ACSM3: variants seen among roughly 807,000 people sequenced by gnomAD.
ACSM3 encodes acyl-coenzyme A synthetase ACSM3, mitochondrial.
ACSM3 carries 61 observed loss-of-function variants against 74.1 expected under a neutral mutation model. The observed-to-expected ratio is 0.82, with a 90% CI of 0.67 to 1.02. ACSM3 has a LOEUF of 1.02. Among genes scored for constraint, ACSM3 ranks in the 50% least tolerant of loss-of-function variants. ACSM3 has a pLI of 0.00. For synonymous variants in ACSM3, 213 were observed against 241.5 expected (o/e 0.88, Z 1.09); for missense variants, 660 against 697.0 (o/e 0.95, Z 0.60).
At chr16:20,759,908 C>A (rs1485837666), upstream of ACSM3, among the ~76,000 whole-genome samples, 1 of 152,072 alleles carries the variant, frequency 6.6e-6, no homozygotes, top group East Asian at 1.9e-4. Flanking sequence ...AAATTCTAAG[C>A]CCCCAAACTG....
upstream of ACSM3, among the ~76,000 whole-genome samples, chr16:20,761,277 CT>C (rs766148497): frequency 6.6e-6 from 1 of 152,168 alleles, no homozygotes; most frequent in East Asian, 1.9e-4. Context: ...TTCTTTGTCC[CT>C]AAAATGTATC....
Position 20,797,050 on chromosome 16 carries a change from G to T in ACSM3, c.*78G>T, listed in dbSNP as rs2080736920. 2.0e-6 allele frequency: 3 copies of T among 1,537,742 alleles called. No homozygotes were observed. In the East Asian group the frequency reaches 7.1e-5, roughly 36 times the overall value. On this transcript the variant is annotated 3_prime_UTR_variant, in exon 14 of 14. Coordinates refer to ENST00000289416, the MANE Select transcript of ACSM3 (RefSeq NM_005622.4). Reference sequence around the variant, plus strand: ...TCTAGAAACCACAAGATGATGGAGAGGTCATAAAAACTGTGGTAGTATGCT... The same window carrying T: ...TCTAGAAACCACAAGATGATGGAGATGTCATAAAAACTGTGGTAGTATGCT...
intron 1 of ACSM3, chr16:20,682,119 C>T (rs1455450706): frequency 3.8e-6 from 3 of 798,744 alleles, no homozygotes; most frequent in African/African-American, 1.7e-5. Context: ...GGGCTCAGTC[C>T]TTTGGATGTT....
rs1215241804 is a variant in ACSM3 at position 20,754,784 on chromosome 16, A to G, written c.-95-789A>G. Among the ~76,000 whole-genome samples the G allele has an allele frequency of 2.0e-5, 3 of 152,204 alleles. No individual in the cohort carries two copies. The East Asian group carries it at 5.8e-4, about 29-fold the overall frequency. On this transcript the variant is annotated intron_variant, in intron 2 of 3. Transcript: ENST00000561584. ...CATATTAAGCTTCTCAAGTGTCACAAATAAGTAGAATTATCTGGAGTTTTG... is the reference window on the plus strand; with the variant it reads ...CATATTAAGCTTCTCAAGTGTCACAGATAAGTAGAATTATCTGGAGTTTTG...
At chr16:20,788,036 C>T (rs1326399692) in intron 9 of ACSM3, among the ~76,000 whole-genome samples, 1 of 152,158 alleles carries the variant, frequency 6.6e-6, no homozygotes, top group Non-Finnish European at 1.5e-5. Context: ...ATGCTTAGTA[C>T]ATAATAAAGG....
chr16:20,735,093 TC>T (rs2079857825), intron 1 of ACSM3: 1 of 152,244 alleles, frequency 6.6e-6, no homozygotes, highest in South Asian at 2.1e-4. Context: ...TCCTTTTAGA[TC>T]TAAGAGTCTT....
chr16:20,771,803 G>T (rs570647721), intron 2 of ACSM3, among the ~76,000 whole-genome samples: 1 of 152,130 alleles, frequency 6.6e-6, no homozygotes, highest in East Asian at 1.9e-4. Context: ...TTTTTTGAGA[G>T]GCCCTTATAT....
chr16:20,764,316 A>C (rs542571152), intron 1 of ACSM3, among the ~76,000 whole-genome samples, 191 bp downstream of exon 1: 3 of 152,248 alleles, frequency 2.0e-5, no homozygotes, highest in Non-Finnish European at 4.4e-5. Flanking sequence ...GAGTATGCAC[A>C]CACAAAAGGC....
intron 1 of ACSM3, among the ~76,000 whole-genome samples, chr16:20,684,843 G>A (rs1336363364): frequency 2.6e-5 from 4 of 152,158 alleles, no homozygotes; most frequent in South Asian, 4.1e-4. Flanking sequence ...AAGAGAAAGT[G>A]TATGTGTGTT....
intron 2 of ACSM3, among the ~76,000 whole-genome samples, chr16:20,754,260 T>G (rs1033801947): frequency 2.6e-5 from 4 of 152,262 alleles, no homozygotes; most frequent in African/African-American, 9.6e-5. Context: ...AGTGTAGAAA[T>G]GTAGTGGGGT....
intron 2 of ACSM3, among the ~76,000 whole-genome samples, chr16:20,772,055 T>G (rs1015829087): frequency 1.3e-5 from 2 of 151,482 alleles, no homozygotes; most frequent in Admixed American, 6.5e-5. Flanking sequence ...TCTATTCAGA[T>G]TCTATGTCCA....
At chr16:20,768,807 C>T (rs1319566629) in intron 1 of ACSM3, among the ~76,000 whole-genome samples, 3 of 152,164 alleles carry the variant, frequency 2.0e-5, no homozygotes, top group African/African-American at 7.2e-5. Flanking sequence ...CTCTCTGGGT[C>T]TCCAGTTTTC....
intron 1 of ACSM3, chr16:20,697,714 A>T (rs1335283774): frequency 6.6e-6 from 1 of 152,226 alleles, no homozygotes; most frequent in Non-Finnish European, 1.5e-5. Context: ...TTGTAGGTTC[A>T]GTTCTCTCTG....
intron 1 of ACSM3, chr16:20,739,081 T>C: frequency 6.2e-7 from 1 of 1,613,940 alleles, no homozygotes; most frequent in South Asian, 1.1e-5. Context: ...ACTGTTTGCA[T>C]AAAACTAATG....
At chr16:20,757,559 TATAC>T (rs1342082627) in intron 3 of ACSM3, among the ~76,000 whole-genome samples, 1 of 150,744 alleles carries the variant, frequency 6.6e-6, no homozygotes, top group African/African-American at 2.4e-5. Context: ...GTTTTCTAGA[TATAC>T]AATCATGTCG....
chr16:20,678,520 G>A (rs1199730626), intron 1 of ACSM3, among the ~76,000 whole-genome samples: 1 of 152,206 alleles, frequency 6.6e-6, no homozygotes, highest in East Asian at 1.9e-4. Context: ...GGGGCTATCA[G>A]TACATGTTGG....
chr16:20,785,101 T>G lies in ACSM3; in HGVS notation c.1137T>G (p.Thr379=). 1 of 1,613,156 alleles carries G rather than the reference T, an allele frequency of 6.2e-7. No individual in the cohort carries two copies. The highest frequency in any genetic ancestry group is 1.1e-5 in the South Asian group (1 of 91,058). ...GLDIYEGYGQ[T]ETVLICGNFK... ...ATATCTACGAAGGATATGGACAGAC[T>G]GAAACGGTACCTGACCTCACTGAAA... is the stretch of plus-strand genomic sequence containing the variant. The change falls in exon 8 of 14, where the codon ACT becomes ACG. Residue 379 remains threonine, a synonymous_variant. Transcript: ENST00000289416.
At chr16:20,738,992 C>T (rs1310290220) in intron 1 of ACSM3, 1 of 1,614,076 alleles carries the variant, frequency 6.2e-7, no homozygotes, top group African/African-American at 1.3e-5. Flanking sequence ...CTTAATGTCA[C>T]CAACTTCTTT....
At chr16:20,677,539 A>T (rs1596930366) in intron 1 of ACSM3, among the ~76,000 whole-genome samples, 3 of 152,140 alleles carry the variant, frequency 2.0e-5, no homozygotes, top group Admixed American at 2.0e-4. Context: ...GTACCAGGAG[A>T]CCCCCTTCAT....
Sources: allele counts gnomAD v4.1 joint callset (sites outside exome capture counted in the v4.1 genomes callset), GRCh38; gene constraint gnomAD v4.1.1; transcripts MANE v1.5; gene names NCBI Gene and HGNC (gene_info 2026-07-23, HGNC 2026-07-21).